The following PRDM1 variants were observed in gnomAD, a reference collection of about 807,000 sequenced individuals.
The protein encoded by PRDM1 is PR domain zinc finger protein 1.
In PRDM1, 13 loss-of-function variants were observed where a neutral mutation model predicts 62.8. That is an observed-to-expected ratio of 0.21 (90% CI 0.13 to 0.33). The LOEUF is 0.33. Ranked by LOEUF, PRDM1 falls within the 10% of genes least tolerant of loss-of-function variation. The pLI is 1.00. For synonymous variants in PRDM1, 396 were observed against 417.6 expected, an observed-to-expected ratio of 0.95 and a Z score of 0.63; for missense variants, 895 against 1,058.8, an observed-to-expected ratio of 0.85 and a Z score of 2.15.
At position 106,105,223 on chromosome 6, in the gene PRDM1, A is replaced by C; in HGVS notation, c.1063A>C (p.Ser355Arg). The C allele has an allele frequency of 3.1e-6, 5 of 1,613,862 alleles. No individual in the cohort carries two copies. The highest frequency in any genetic ancestry group is 4.2e-6 in the Non-Finnish European group (5 of 1,180,012). The change falls in exon 5 of 7, where the codon AGC (serine) becomes CGC (arginine). Residue 355 changes from serine to arginine, a missense_variant. Physicochemically the swap from Ser to Arg is moderately radical, Grantham distance 110. Transcript: ENST00000369096. ...QSLKSSSPHSSPGNTVSPVGP... is the reference protein window; with the variant it reads ...QSLKSSSPHSRPGNTVSPVGP... ...CCTCAAGAGCTCCAGCCCTCACAGC[A>C]GCCCTGGGAATACGGTGTCCCCTGT...
chr6:106,018,611 G>A (rs1393639499), intron 1 of PRDM1, among the ~76,000 whole-genome samples: 2 of 152,202 alleles, frequency 1.3e-5, no homozygotes, highest in African/African-American at 4.8e-5. Flanking sequence ...TTGAGGAGCA[G>A]TGGGCAGCTC....
chr6:106,088,405 T>G lies in PRDM1; in HGVS notation c.247T>G (p.Leu83Val), dbSNP rs368618026. 6.2e-7 allele frequency: 1 copy of G among 1,614,178 alleles called. No homozygotes were observed. Among genetic ancestry groups the G allele is most frequent in the East Asian group, 2.2e-5 (1 of 44,892 alleles). Residue 83 changes from leucine (L) to valine (V), a missense_variant, in exon 2 of 7, where the codon TTA (leucine) becomes GTA (valine). Coordinates refer to ENST00000369096, the MANE Select transcript of PRDM1 (RefSeq NM_001198.4). ...GGTSVQAEASLPRNLLFKYAT... is the reference protein window; with the variant it reads ...GGTSVQAEASVPRNLLFKYAT... ...TACTTCGGTTCAGGCGGAGGCATCC[T>G]TACCAAGGAATCTGCTTTTCAAGTA... is the stretch of plus-strand genomic sequence containing the variant.
intron 1 of PRDM1, among the ~76,000 whole-genome samples, chr6:106,001,843 A>G (rs1772428672): frequency 6.6e-6 from 1 of 152,178 alleles, no homozygotes; most frequent in Admixed American, 6.5e-5. Context: ...CAGTAGATAT[A>G]CTTTTTAAAA....
intron 1 of PRDM1, among the ~76,000 whole-genome samples, chr6:106,037,004 G>C (rs1315566691): frequency 6.6e-6 from 1 of 152,018 alleles, no homozygotes. Flanking sequence ...ATGGCTTCAG[G>C]TTACTGTCTA....
At chr6:106,013,264 C>T (rs1772578485) in intron 1 of PRDM1, among the ~76,000 whole-genome samples, 1 of 151,986 alleles carries the variant, frequency 6.6e-6, no homozygotes, top group South Asian at 2.1e-4. Flanking sequence ...AAATTTTGTA[C>T]AGGCATCTGC....
At chr6:105,995,234 T>A (rs553832078) in intron 1 of PRDM1, among the ~76,000 whole-genome samples, 1 of 152,152 alleles carries the variant, frequency 6.6e-6, no homozygotes, top group South Asian at 2.1e-4. Context: ...GTTGTCACGT[T>A]CCCTTTGGGA....
chr6:106,060,796 G>T (rs1488278040), intron 1 of PRDM1, among the ~76,000 whole-genome samples: 1 of 152,038 alleles, frequency 6.6e-6, no homozygotes, highest in African/African-American at 2.4e-5. Context: ...AAGTGAACTG[G>T]GAGTGGGTGG....
At position 106,105,336 on chromosome 6, in the gene PRDM1, C is replaced by T. The variant is rs144801508; in HGVS notation, c.1176C>T (p.Tyr392=). 1.9e-5 allele frequency: 30 copies of T among 1,612,774 alleles called. No homozygotes were observed. The East Asian group carries it at 5.4e-4, about 29-fold the overall frequency. Reference sequence around the variant, plus strand: ...AAGGTTTGGGCTCCTACCCTGGCTACGCACCCCTGCCCCACCTCCCGCCAG... The same window carrying T: ...AAGGTTTGGGCTCCTACCCTGGCTATGCACCCCTGCCCCACCTCCCGCCAG... The part of the protein sequence containing the change: ...GTEGLGSYPG[Y]APLPHLPPAF... The change falls in exon 5 of 7, where the codon TAC becomes TAT. Residue 392 remains tyrosine (Y), a synonymous_variant. Transcript: ENST00000369096.
chr6:106,017,829 C>T (rs1008176151), intron 1 of PRDM1, among the ~76,000 whole-genome samples: 2 of 152,010 alleles, frequency 1.3e-5, no homozygotes, highest in African/African-American at 4.8e-5. Flanking sequence ...AGGCCAGGCC[C>T]ACTTTTTGAA....
chr6:106,090,157 G>C (rs562004859), intron 2 of PRDM1, among the ~76,000 whole-genome samples: 2 of 152,196 alleles, frequency 1.3e-5, no homozygotes, highest in Non-Finnish European at 2.9e-5. Context: ...TCCAATGAGT[G>C]CTTCTCGATT....
At chr6:106,094,515 G>T (rs1316778124) in intron 2 of PRDM1, among the ~76,000 whole-genome samples, 2 of 152,114 alleles carry the variant, frequency 1.3e-5, no homozygotes, top group African/African-American at 4.8e-5. Flanking sequence ...CTTTAGCAAG[G>T]CCCCACAAAG....
Position 106,105,843 on chromosome 6 carries a change from C to T in PRDM1, c.1683C>T (p.Thr561=), listed in dbSNP as rs1480853899. The change falls in exon 5 of 7, where the codon ACC becomes ACT. Residue 561 remains threonine (T), a synonymous_variant. Coordinates refer to ENST00000369096, the MANE Select transcript of PRDM1 (RefSeq NM_001198.4). ...KNKRNMTGYK[T]LPYPLKKQNG... Reference sequence around the variant, plus strand: ...AAAGAAACATGACCGGCTACAAGACCCTTCCCTACCCGCTGAAGAAGCAGA... The same window carrying T: ...AAAGAAACATGACCGGCTACAAGACTCTTCCCTACCCGCTGAAGAAGCAGA... The T allele has an allele frequency of 6.2e-7, 1 of 1,614,054 alleles. No homozygotes were observed. The highest frequency in any genetic ancestry group is 1.3e-5 in the African/African-American group (1 of 74,918).
upstream of PRDM1, among the ~76,000 whole-genome samples, chr6:106,044,440 C>A (rs1773044851): frequency 6.6e-6 from 1 of 152,144 alleles, no homozygotes; most frequent in Admixed American, 6.5e-5. Context: ...AGAAGTAAAT[C>A]ATCATTGCAG....
intron 1 of PRDM1, among the ~76,000 whole-genome samples, chr6:105,996,844 CAAATT>C (rs1437150342): frequency 1.3e-5 from 2 of 152,188 alleles, no homozygotes; most frequent in Non-Finnish European, 2.9e-5. Context: ...GTTTCTGACA[CAAATT>C]AAATGTGATT....
intron 1 of PRDM1, among the ~76,000 whole-genome samples, chr6:106,022,384 G>GT (rs1184971689): frequency 6.6e-6 from 1 of 151,378 alleles, no homozygotes; most frequent in African/African-American, 2.4e-5. Context: ...AGCCTCTTGA[G>GT]TAGCTAGGAC....
At chr6:106,011,854 C>T (rs930791756) in intron 1 of PRDM1, among the ~76,000 whole-genome samples, 3 of 151,668 alleles carry the variant, frequency 2.0e-5, no homozygotes, top group African/African-American at 7.3e-5. Flanking sequence ...CACGCAAACA[C>T]AGTACACAAG....
intron 3 of PRDM1, chr6:106,098,812 G>T (rs1311400542): frequency 7.9e-6 from 12 of 1,516,050 alleles, no homozygotes; most frequent in African/African-American, 1.4e-5. Context: ...AGCCTTGGGC[G>T]GGGGTGTAGG....
intron 1 of PRDM1, among the ~76,000 whole-genome samples, chr6:106,028,239 C>T (rs1016181072): frequency 6.6e-6 from 1 of 152,148 alleles, no homozygotes; most frequent in Non-Finnish European, 1.5e-5. Context: ...CAGTGTCTTT[C>T]GGTCCAATCG....
At position 106,106,535 on chromosome 6, in the gene PRDM1, T is replaced by C. The variant is rs773037767; in HGVS notation, c.1902+36T>C. 3.1e-6 allele frequency: 5 copies of C among 1,612,514 alleles called. No homozygotes were observed. Among genetic ancestry groups the C allele is most frequent in the Non-Finnish European group, 4.2e-6 (5 of 1,179,436 alleles). On this transcript the variant is annotated intron_variant, in intron 6 of 6. Transcript: ENST00000369096. The surrounding 1 kb of genome is among the most constrained non-coding windows in gnomAD (Gnocchi z 4.4). ...TTTTCTGGGTAGACCTTCTGACCTT[T>C]GTAGAAAATGTCTGTGAGTCACCCT...
Sources: gnomAD v4.1 joint callset for allele counts (sites outside exome capture counted in the v4.1 genomes callset) on GRCh38, gnomAD v4.1.1 for gene constraint, Gnocchi (gnomAD v3.1) non-coding constraint, MANE v1.5 for transcripts, NCBI Gene and HGNC (gene_info 2026-07-23, HGNC 2026-07-21) for gene names.